The following ABCA13 variants were observed in gnomAD, a reference collection of about 807,000 sequenced individuals.
The protein encoded by ABCA13 is ATP binding cassette subfamily A member 13.
ABCA13 carries 476 observed loss-of-function variants against 478.7 expected under a neutral mutation model. That is an observed-to-expected ratio of 0.99 (90% CI 0.92 to 1.07). The LOEUF is 1.07. ABCA13 is among the 50% of genes least tolerant of loss of function. The probability of loss-of-function intolerance (pLI) is 0.00; values close to 1 mark genes in which losing one functional copy is unlikely to be tolerated. For missense variants in ABCA13, 6,060 were observed against 5,910.6 expected (o/e 1.03, Z -0.83); for synonymous variants, 2,252 against 2,158.9 (o/e 1.04, Z -1.20).
intron 53 of ABCA13, among the ~76,000 whole-genome samples, chr7:48,520,831 C>T (rs1832494755): frequency 6.6e-6 from 1 of 152,218 alleles, no homozygotes. Flanking sequence ...TTCTCTGTTA[C>T]TTTGAAGCAG....
chr7:48,219,483 GGTAGAACGAT>G lies in ABCA13; in HGVS notation c.418_427del (p.Val140ProfsTer23). The stretch of plus-strand genomic sequence containing the variant: ...AGGCAAAAAACTTAAAAAGACTTTG[GGTAGAACGAT>G]CCAACACTCCAGGCAAGTAAACCTC... On this transcript the variant is annotated frameshift_variant, in exon 4 of 62. Transcript: ENST00000435803. LOFTEE classifies it high-confidence loss of function. 1 of 1,612,236 alleles carries G rather than the reference GGTAGAACGAT, an allele frequency of 6.2e-7. No individual in the cohort carries two copies. Among genetic ancestry groups the G allele is most frequent in the Non-Finnish European group, 8.5e-7 (1 of 1,179,230 alleles).
intron 42 of ABCA13, among the ~76,000 whole-genome samples, chr7:48,431,819 G>A (rs56347916): frequency 0.22 from 33,566 of 151,908 alleles, 4,535 homozygotes; most frequent in Middle Eastern, 0.33. Flanking sequence ...AGCAGTTTTC[G>A]CAAACACTTT....
chr7:48,389,284 T>C, intron 37 of ABCA13, 64 bp downstream of exon 37: 1 of 1,524,358 alleles, frequency 6.6e-7, no homozygotes, highest in Non-Finnish European at 8.9e-7. Flanking sequence ...AGTTTACCTG[T>C]GAGACAGAAG....
chr7:48,379,798 T>C (rs1040812897), intron 35 of ABCA13, among the ~76,000 whole-genome samples: 1 of 152,208 alleles, frequency 6.6e-6, no homozygotes, highest in African/African-American at 2.4e-5. Context: ...ATGAAGTGAA[T>C]AAAAGAATGA....
intron 59 of ABCA13, among the ~76,000 whole-genome samples, chr7:48,635,680 A>C (rs1370113798): frequency 1.3e-5 from 2 of 152,222 alleles, no homozygotes; most frequent in African/African-American, 4.8e-5. Flanking sequence ...AAGACAGCTC[A>C]CTTACAGAGA....
intron 54 of ABCA13, among the ~76,000 whole-genome samples, chr7:48,526,227 G>T (rs552518257): frequency 6.6e-6 from 1 of 152,258 alleles, no homozygotes; most frequent in African/African-American, 2.4e-5. Flanking sequence ...AGGGGCCGGA[G>T]ACAGCAGGGC....
chr7:48,517,205 G>T (rs986093525), intron 52 of ABCA13, among the ~76,000 whole-genome samples: 4 of 152,138 alleles, frequency 2.6e-5, no homozygotes, highest in African/African-American at 9.7e-5. Context: ...AATTACTGAT[G>T]AATGGTGGAA....
At position 48,297,236 on chromosome 7, in the gene ABCA13, G is replaced by A. The variant is rs765592932; in HGVS notation, c.9124G>A (p.Ala3042Thr). 4.4e-6 allele frequency: 7 copies of A among 1,601,900 alleles called. No individual in the cohort carries two copies. The South Asian group carries it at 4.5e-5, about 10-fold the overall frequency. ...TTTAATTTTCTGCCATTTTAGGTTGGCCAAAAGCCTCGAGGAAACTTGGTC... is the reference window on the plus strand; with the variant it reads ...TTTAATTTTCTGCCATTTTAGGTTGACCAAAAGCCTCGAGGAAACTTGGTC... ...ETVQQHLYMLAKSLEETWSSG... is the reference protein window; with the variant it reads ...ETVQQHLYMLTKSLEETWSSG... The change falls in exon 22 of 62, where the codon GCC becomes ACC. Residue 3042 changes from alanine to threonine, a missense_variant. Ala to Thr is a moderately conservative substitution (Grantham distance 58). Transcript: ENST00000435803.
intron 59 of ABCA13, among the ~76,000 whole-genome samples, chr7:48,619,500 T>G (rs1414447878): frequency 6.6e-6 from 1 of 152,226 alleles, no homozygotes; most frequent in African/African-American, 2.4e-5. Flanking sequence ...ATTTAATATT[T>G]CTTTAACAAA....
In ABCA13 at chr7:48,323,269, C is replaced by T. The variant is rs111843152; in HGVS notation, c.9999+5973C>T. Among the ~76,000 whole-genome samples, 89 of 152,282 alleles carry T rather than the reference C, an allele frequency of 5.8e-4. 1 individual carries two copies. Among genetic ancestry groups the T allele is most frequent in the Admixed American group, 1.6e-3 (25 of 15,300 alleles). ...GGAGCTTGTCTGTCTTCTTGGCCAC[C>T]GTCCCCAGTGCCTAGAAGAATGCTA... On this transcript the variant is annotated intron_variant, in intron 27 of 61. Transcript: ENST00000435803.
intron 31 of ABCA13, among the ~76,000 whole-genome samples, chr7:48,361,867 A>C (rs1810905497): frequency 6.6e-6 from 1 of 151,984 alleles, no homozygotes. Flanking sequence ...CTATGTTTAC[A>C]CAGCTTACTT....
Position 48,427,272 on chromosome 7 carries a change from A to G in ABCA13, c.12460-494A>G, listed in dbSNP as rs548897436. Among the ~76,000 whole-genome samples the G allele has an allele frequency of 5.9e-5, 9 of 152,356 alleles. No individual in the cohort carries two copies. In the East Asian group the frequency reaches 1.5e-3, roughly 26 times the overall value. On this transcript the variant is annotated intron_variant, in intron 41 of 61. Transcript: ENST00000435803. Reference sequence around the variant, plus strand: ...ACCAAGAAATGACTTCAAGCAAGTTATTTGATTAACTACCTTAGTGACATC... The same window carrying G: ...ACCAAGAAATGACTTCAAGCAAGTTGTTTGATTAACTACCTTAGTGACATC...
chr7:48,387,990 G>T, intron 36 of ABCA13, 31 bp downstream of exon 36: 1 of 1,580,892 alleles, frequency 6.3e-7, no homozygotes, highest in Non-Finnish European at 8.6e-7. Flanking sequence ...TTAGATGCAT[G>T]TATTTTTCCT....
At chr7:48,565,214 CTTT>C (rs10559411) in intron 55 of ABCA13, among the ~76,000 whole-genome samples, 1,679 of 113,762 alleles carry the variant, frequency 0.015, 45 homozygotes, top group African/African-American at 0.05. Context: ...ATTTAATGAG[CTTT>C]TTTTTTTTTT....
chr7:48,390,565 C>A (rs1244832852), intron 37 of ABCA13, among the ~76,000 whole-genome samples: 1 of 152,164 alleles, frequency 6.6e-6, no homozygotes, highest in Non-Finnish European at 1.5e-5. Flanking sequence ...GAACAAGCAC[C>A]ACAAATACAG....
At chr7:48,337,729 C>T (rs1806487654) in intron 28 of ABCA13, among the ~76,000 whole-genome samples, 1 of 152,094 alleles carries the variant, frequency 6.6e-6, no homozygotes, top group East Asian at 1.9e-4. Flanking sequence ...AAGTGTCAGG[C>T]AGTGCAATGC....
At chr7:48,245,451 A>G in intron 11 of ABCA13, 61 bp from the exon 12 acceptor site, 1 of 1,285,134 alleles carries the variant, frequency 7.8e-7, no homozygotes, top group Non-Finnish European at 1.1e-6. Context: ...ATTCATGGCC[A>G]TGTATAAAAG....
At chr7:48,316,285 A>G (rs1386664933) in intron 26 of ABCA13, among the ~76,000 whole-genome samples, 1 of 152,216 alleles carries the variant, frequency 6.6e-6, no homozygotes, top group African/African-American at 2.4e-5. Context: ...AAGACAGTTC[A>G]GTAGTAACTT....
chr7:48,239,319 G>C lies in ABCA13; in HGVS notation c.976G>C (p.Gly326Arg). ...ATCAGAGGATGAAGCTGAGAAATGG[G>C]GCCACGTTGGAGGCTGCCACCCTAA... ...STSEDEAEKW[G>R]HVGGCHPKWS... is the part of the protein sequence containing the mutation. Residue 326 changes from glycine (G) to arginine (R), a missense_variant, in exon 9 of 62, where the codon GGC becomes CGC. Physicochemically the swap from Gly to Arg is moderately radical, Grantham distance 125. Around this residue, in one of 3 missense-constraint regions of ABCA13, gnomAD observed 4,423 missense variants for 4,309.1 expected, o/e 1.03. Transcript: ENST00000435803. 1 of 1,613,912 alleles carries C rather than the reference G, an allele frequency of 6.2e-7. No homozygotes were observed. Among genetic ancestry groups the C allele is most frequent in the Non-Finnish European group, 8.5e-7 (1 of 1,179,856 alleles).
Sources: gnomAD v4.1 joint callset for allele counts (sites outside exome capture counted in the v4.1 genomes callset) on GRCh38, gnomAD v4.1.1 for gene constraint, gnomAD v4.1.1 regional missense constraint, MANE v1.5 for transcripts, NCBI Gene and HGNC (gene_info 2026-07-23, HGNC 2026-07-21) for gene names.